The following GAREM1 variants were observed in gnomAD, a reference collection of about 807,000 sequenced individuals.
The protein encoded by GAREM1 is GRB2 associated regulator of MAPK1 subtype 1, also known as GRB2-associated and regulator of MAPK protein 1.
A neutral mutation model predicts 71.3 loss-of-function variants in GAREM1; 26 were observed. The observed-to-expected ratio is 0.36, with a 90% CI of 0.27 to 0.51. GAREM1 has a LOEUF of 0.51. Ranked by LOEUF, GAREM1 falls within the 20% of genes least tolerant of loss-of-function variation. GAREM1 has a pLI of 0.95. For synonymous variants in GAREM1, 440 were observed against 433.2 expected, an observed-to-expected ratio of 1.02 and a Z score of -0.20; for missense variants, 1,026 against 1,103.1, an observed-to-expected ratio of 0.93 and a Z score of 0.99.
intron 3 of GAREM1, among the ~76,000 whole-genome samples, chr18:32,292,623 C>G (rs2047098487): frequency 6.6e-6 from 1 of 152,104 alleles, no homozygotes; most frequent in African/African-American, 2.4e-5. Context: ...CACGAGATAT[C>G]ATGGTTTTAT....
chr18:32,449,809 G>A (rs1225469591), intron 1 of GAREM1, among the ~76,000 whole-genome samples: 1 of 152,184 alleles, frequency 6.6e-6, no homozygotes, highest in Non-Finnish European at 1.5e-5. Flanking sequence ...GTGACATGCA[G>A]TAAACCAGGT....
intron 2 of GAREM1, among the ~76,000 whole-genome samples, chr18:32,330,724 T>G (rs1476646065): frequency 6.6e-6 from 1 of 152,026 alleles, no homozygotes; most frequent in Non-Finnish European, 1.5e-5. Context: ...ACTATCAGGA[T>G]GAAATGGGAT....
chr18:32,290,601 T>A (rs1306704010), intron 3 of GAREM1, among the ~76,000 whole-genome samples: 9 of 141,994 alleles, frequency 6.3e-5, no homozygotes, highest in African/African-American at 2.4e-4. Context: ...GCCAAGATTG[T>A]GCCACTGCAT....
intron 2 of GAREM1, among the ~76,000 whole-genome samples, chr18:32,345,941 A>G (rs1346945097): frequency 3.3e-5 from 5 of 152,198 alleles, no homozygotes; most frequent in African/African-American, 9.7e-5. Flanking sequence ...ATCATTAACT[A>G]TCGTAAGGTG....
chr18:32,459,225 T>C lies in GAREM1; in HGVS notation c.121+11083A>G, dbSNP rs72639476. Among the ~76,000 whole-genome samples, 3,509 of 152,264 alleles carry C rather than the reference T, an allele frequency of 0.023. 399 individuals carry two copies. The East Asian group carries it at 0.35, about 15-fold the overall frequency. On this transcript the variant is annotated intron_variant, in intron 1 of 5. Coordinates refer to ENST00000269209, the MANE Select transcript of GAREM1 (RefSeq NM_001242409.2). ...AATAGCAAAATGTTGGTAATGGTTA[T>C]ATAACAAGTTATACAATATTATCAG...
intron 2 of GAREM1, among the ~76,000 whole-genome samples, chr18:32,336,701 T>C (rs2047599143): frequency 6.6e-6 from 1 of 152,186 alleles, no homozygotes; most frequent in African/African-American, 2.4e-5. Flanking sequence ...TCAAACACTC[T>C]GATGGATGAA....
Position 32,364,118 on chromosome 18 carries a change from T to TCC in GAREM1, c.262+28775_262+28776dup, listed in dbSNP as rs1211136087. ...GGTGCGATCTCAGCTCACTGCAACC[T>TCC]CCACCTCCCAGATTCATGCGATTCT... On this transcript the variant is annotated intron_variant, in intron 2 of 5. Transcript: ENST00000269209. Among the ~76,000 whole-genome samples, 7 of 138,712 alleles carry TCC rather than the reference T, an allele frequency of 5.0e-5. No individual in the cohort carries two copies. In the Admixed American group the frequency reaches 5.3e-4, roughly 10 times the overall value. 91.0% of individuals were successfully genotyped at this position (138,712 alleles called of 152,430 possible). A position where few individuals can be genotyped will look rare whatever the true frequency, so the allele number is the denominator to read the frequency against.
intron 1 of GAREM1, among the ~76,000 whole-genome samples, chr18:32,437,796 C>T (rs2048693468): frequency 6.6e-6 from 1 of 152,138 alleles, no homozygotes; most frequent in African/African-American, 2.4e-5. Context: ...TAGACAATAG[C>T]AAATATAAGT....
intron 2 of GAREM1, among the ~76,000 whole-genome samples, chr18:32,372,357 C>T (rs1023279603): frequency 1.3e-5 from 2 of 152,146 alleles, no homozygotes; most frequent in Admixed American, 6.5e-5. Flanking sequence ...TTCTATGTGA[C>T]GCACACTAAT....
intron 1 of GAREM1, among the ~76,000 whole-genome samples, chr18:32,397,989 T>C (rs545153376): frequency 1.3e-5 from 2 of 152,238 alleles, no homozygotes; most frequent in Non-Finnish European, 2.9e-5. Context: ...GCAATCAAAC[T>C]AGAACTCAGG....
chr18:32,323,355 T>C (rs1354026851), intron 2 of GAREM1, among the ~76,000 whole-genome samples: 1 of 152,246 alleles, frequency 6.6e-6, no homozygotes, highest in Non-Finnish European at 1.5e-5. Flanking sequence ...TCTACCTTCA[T>C]TTGAAGCCAC....
intron 1 of GAREM1, among the ~76,000 whole-genome samples, chr18:32,406,283 A>G (rs1169804438): frequency 1.3e-5 from 2 of 151,856 alleles, no homozygotes; most frequent in Non-Finnish European, 2.9e-5. Context: ...ACCCACCTCA[A>G]CCTCCCAAAG....
At chr18:32,447,148 T>C (rs796338803) in intron 1 of GAREM1, among the ~76,000 whole-genome samples, 6 of 152,328 alleles carry the variant, frequency 3.9e-5, no homozygotes, top group African/African-American at 1.4e-4. Flanking sequence ...AATCACCACC[T>C]AATTTACATT....
At chr18:32,377,817 C>T (rs1014175320) in intron 2 of GAREM1, among the ~76,000 whole-genome samples, 2 of 152,168 alleles carry the variant, frequency 1.3e-5, no homozygotes, top group East Asian at 1.9e-4. Context: ...CCCACCTTGG[C>T]CTCCCAAAAT....
intron 2 of GAREM1, among the ~76,000 whole-genome samples, chr18:32,382,574 G>A (rs1400764487): frequency 1.3e-5 from 2 of 152,120 alleles, no homozygotes; most frequent in African/African-American, 4.8e-5. Flanking sequence ...AAGGCCCAGC[G>A]TTAGACCAGA....
chr18:32,408,325 C>T (rs1019224610), intron 1 of GAREM1, among the ~76,000 whole-genome samples: 4 of 152,156 alleles, frequency 2.6e-5, no homozygotes, highest in Non-Finnish European at 5.9e-5. Context: ...TTTGTTAACT[C>T]ACAATTTGAA....
At chr18:32,294,900 T>C (rs898204875) in intron 3 of GAREM1, among the ~76,000 whole-genome samples, 2 of 152,208 alleles carry the variant, frequency 1.3e-5, no homozygotes. Flanking sequence ...TGTGTTTTAA[T>C]ATAAAAATAC....
chr18:32,366,483 A>T (rs1017291033), intron 2 of GAREM1, among the ~76,000 whole-genome samples: 3 of 152,252 alleles, frequency 2.0e-5, no homozygotes, highest in Non-Finnish European at 2.9e-5. Flanking sequence ...ACTTTAAAGT[A>T]TACTAAATTT....
chr18:32,364,235 A>G (rs2144616504), intron 2 of GAREM1, among the ~76,000 whole-genome samples: 1 of 150,796 alleles, frequency 6.6e-6, no homozygotes, highest in South Asian at 2.1e-4. Flanking sequence ...GGGTTTGACC[A>G]TGTTGGCCAG....
Sources: gnomAD v4.1 joint callset for allele counts (sites outside exome capture counted in the v4.1 genomes callset) on GRCh38, gnomAD v4.1.1 for gene constraint, MANE v1.5 for transcripts, NCBI Gene and HGNC (gene_info 2026-07-23, HGNC 2026-07-21) for gene names.